Variants in PPARGC1A observed in about 807,000 individuals in gnomAD.
The protein encoded by PPARGC1A is PPARG coactivator 1 alpha.
PPARGC1A carries 25 observed loss-of-function variants against 88.7 expected under a neutral mutation model. That is an observed-to-expected ratio of 0.28 (90% CI 0.21 to 0.39). The LOEUF is 0.39. Ranked by LOEUF, PPARGC1A falls within the 10% of genes least tolerant of loss-of-function variation. The pLI is 1.00. For missense variants in PPARGC1A, 880 were observed against 968.7 expected (o/e 0.91, Z 1.22); for synonymous variants, 363 against 355.6 (o/e 1.02, Z -0.24).
the PPARGC1A span, among the ~76,000 whole-genome samples, chr4:24,293,175 G>C: frequency 1.5e-3 from 2 of 1,348 alleles, no homozygotes; most frequent in African/African-American, 7.5e-3. Context: ...TACCCCCTCA[G>C]CCCCACTCCT....
At chr4:24,445,036 G>C in the PPARGC1A span, among the ~76,000 whole-genome samples, 2 of 151,914 alleles carry the variant, frequency 1.3e-5, no homozygotes, top group Admixed American at 6.6e-5. Context: ...CTGGGCAACA[G>C]AGCAAGACCC....
At chr4:24,439,146 T>A in the PPARGC1A span, among the ~76,000 whole-genome samples, 1 of 152,214 alleles carries the variant, frequency 6.6e-6, no homozygotes, top group East Asian at 1.9e-4. Context: ...TAGAATATTG[T>A]CCTCCCTGCA....
chr4:24,161,355 C>T, the PPARGC1A span, among the ~76,000 whole-genome samples: 1 of 152,190 alleles, frequency 6.6e-6, no homozygotes, highest in Non-Finnish European at 1.5e-5. Context: ...TTCATCCCTG[C>T]CTGCAAGAGT....
At chr4:23,821,770 T>C (rs528762402) in intron 7 of PPARGC1A, among the ~76,000 whole-genome samples, 4 of 151,938 alleles carry the variant, frequency 2.6e-5, no homozygotes, top group African/African-American at 9.7e-5. Context: ...TGCATAAGAA[T>C]CCTAGTCTTT....
the PPARGC1A span, among the ~76,000 whole-genome samples, chr4:23,913,263 TATATAGAGAGAGAGAGAGAGAGAG>T: frequency 2.7e-3 from 152 of 56,062 alleles, no homozygotes; most frequent in African/African-American, 0.011. Flanking sequence ...TATATATATA[TATATAGAGAGAGAGAGAGAGAGAG>T]AGAGAGAGAG....
chr4:24,461,179 C>T, the PPARGC1A span, among the ~76,000 whole-genome samples: 1 of 152,248 alleles, frequency 6.6e-6, no homozygotes, highest in East Asian at 1.9e-4. Flanking sequence ...CTGCTTCAGC[C>T]TCCCAAACGC....
At chr4:24,438,629 G>A in the PPARGC1A span, among the ~76,000 whole-genome samples, 3 of 151,978 alleles carry the variant, frequency 2.0e-5, no homozygotes, top group South Asian at 2.1e-4. Flanking sequence ...GTGTTTTGGC[G>A]CTATAATGAT....
chr4:24,463,913 G>A, the PPARGC1A span, among the ~76,000 whole-genome samples: 1 of 152,068 alleles, frequency 6.6e-6, no homozygotes, highest in Non-Finnish European at 1.5e-5. Flanking sequence ...TCTTTCTTTG[G>A]AACCTGACAA....
the PPARGC1A span, among the ~76,000 whole-genome samples, chr4:24,312,895 C>T: frequency 6.6e-6 from 1 of 151,394 alleles, no homozygotes; most frequent in East Asian, 1.9e-4. Flanking sequence ...AAAGTCACAT[C>T]AGAACAAAAA....
chr4:24,466,824 G>A, the PPARGC1A span, among the ~76,000 whole-genome samples: 1 of 131,006 alleles, frequency 7.6e-6, no homozygotes, highest in Non-Finnish European at 1.6e-5. Context: ...TGAGACAGGA[G>A]AATTGCTTGT....
At chr4:23,900,412 T>C (rs565218400), upstream of PPARGC1A, among the ~76,000 whole-genome samples, 1 of 152,330 alleles carries the variant, frequency 6.6e-6, no homozygotes, top group African/African-American at 2.4e-5. Context: ...GACAGTTACC[T>C]AAACTATCTG....
chr4:23,973,752 T>C, the PPARGC1A span, among the ~76,000 whole-genome samples: 1 of 152,058 alleles, frequency 6.6e-6, no homozygotes, highest in East Asian at 1.9e-4. Context: ...AATCTACTTC[T>C]GAAATGAAAT....
chr4:23,885,339 C>T (rs144130406), intron 1 of PPARGC1A, among the ~76,000 whole-genome samples: 36 of 152,302 alleles, frequency 2.4e-4, no homozygotes, highest in African/African-American at 8.7e-4. Context: ...GAAATTTTAT[C>T]ACACATAATA....
At chr4:23,841,986 AT>A (rs1212855358) in intron 2 of PPARGC1A, among the ~76,000 whole-genome samples, 5 of 152,130 alleles carry the variant, frequency 3.3e-5, no homozygotes, top group Non-Finnish European at 7.4e-5. Context: ...ACAGAGTTGG[AT>A]ATTAAACCAG....
At chr4:23,932,803 A>G in the PPARGC1A span, among the ~76,000 whole-genome samples, 1 of 152,184 alleles carries the variant, frequency 6.6e-6, no homozygotes, top group African/African-American at 2.4e-5. Context: ...CTCAAGTCTG[A>G]TTCCTCAGGG....
At chr4:23,825,298 G>C (rs1723734110) in intron 5 of PPARGC1A, 1 of 151,766 alleles carries the variant, frequency 6.6e-6, no homozygotes, top group African/African-American at 2.4e-5. Flanking sequence ...AGGCATACTT[G>C]GGCTATACAT....
intron 5 of PPARGC1A, 144 bp downstream of exon 5, chr4:23,828,256 C>A (rs749354685): frequency 1.2e-6 from 1 of 828,026 alleles, no homozygotes; most frequent in Non-Finnish European, 1.9e-6. Flanking sequence ...TTTCTTCCCC[C>A]GCTCTGTAAT....
chr4:24,084,072 C>A, the PPARGC1A span, among the ~76,000 whole-genome samples: 1 of 152,172 alleles, frequency 6.6e-6, no homozygotes, highest in Non-Finnish European at 1.5e-5. Flanking sequence ...CAGTGGGTAA[C>A]CAGCCTGGTT....
At chr4:23,844,891 T>C (rs1560430088) in intron 2 of PPARGC1A, among the ~76,000 whole-genome samples, 1 of 94,854 alleles carries the variant, frequency 1.1e-5, no homozygotes, top group African/African-American at 3.8e-5. Flanking sequence ...CACACACACA[T>C]ACATACAGAA....
Sources: gnomAD v4.1 joint callset for allele counts (sites outside exome capture counted in the v4.1 genomes callset) on GRCh38, gnomAD v4.1.1 for gene constraint, MANE v1.5 for transcripts, NCBI Gene and HGNC (gene_info 2026-07-23, HGNC 2026-07-21) for gene names.